ATG5: variants seen among roughly 807,000 people sequenced by gnomAD.
ATG5 encodes autophagy protein 5.
Under a neutral mutation model 36.5 loss-of-function variants are expected in ATG5, and 14 were observed. The ratio of observed to expected loss-of-function variants is 0.38; its 90% CI spans 0.25 to 0.60. The LOEUF is 0.60. ATG5 is among the 20% of genes least tolerant of loss of function. The pLI is 0.60. For missense variants in ATG5, 195 were observed against 326.7 expected (o/e 0.60, Z 3.11); for synonymous variants, 95 against 101.5 (o/e 0.94, Z 0.38).
At chr6:106,302,882 T>C (rs1770275985) in intron 3 of ATG5, among the ~76,000 whole-genome samples, 1 of 152,050 alleles carries the variant, frequency 6.6e-6, no homozygotes, top group Non-Finnish European at 1.5e-5. Flanking sequence ...TTATGGTCTA[T>C]ACTAAAGCCT....
intron 6 of ATG5, among the ~76,000 whole-genome samples, chr6:106,224,045 AG>A (rs1449841777): frequency 1.3e-5 from 2 of 152,224 alleles, no homozygotes; most frequent in Non-Finnish European, 2.9e-5. Flanking sequence ...TATGATATGA[AG>A]GGCTGGGGCA....
At chr6:106,308,550 T>A in intron 2 of ATG5, 59 bp from the exon 3 acceptor site, 1 of 1,303,544 alleles carries the variant, frequency 7.7e-7, no homozygotes, top group Non-Finnish European at 1.0e-6. Flanking sequence ...TAAAAAATAC[T>A]AAGTAGGTTT....
chr6:106,299,637 T>C (rs976430451), intron 3 of ATG5, among the ~76,000 whole-genome samples: 1 of 152,266 alleles, frequency 6.6e-6, no homozygotes, highest in African/African-American at 2.4e-5. Flanking sequence ...AATATTTCTT[T>C]GCTTTTTGTT....
chr6:106,209,726 G>A (rs1470958141), intron 6 of ATG5, among the ~76,000 whole-genome samples: 5 of 152,190 alleles, frequency 3.3e-5, no homozygotes, highest in Non-Finnish European at 7.4e-5. Context: ...CAATTTCCTG[G>A]TTGTGATACT....
chr6:106,285,445 T>C (rs924997415), intron 4 of ATG5, among the ~76,000 whole-genome samples: 3 of 152,198 alleles, frequency 2.0e-5, no homozygotes, highest in African/African-American at 7.2e-5. Flanking sequence ...TGTGAATATG[T>C]TGTAAGGATT....
Position 106,186,682 on chromosome 6 carries a change from C to T in ATG5, c.692-6G>A. ...TTGATTCTTTTTTTCCCCATCTATT[C>T]CAAGAAAGAAACCCAACAACAATAA... On this transcript the variant is annotated splice_region_variant and splice_polypyrimidine_tract_variant and intron_variant, in intron 7 of 7. Coordinates refer to ENST00000369076, the MANE Select transcript of ATG5 (RefSeq NM_004849.4). 1 of 1,612,656 alleles carries T rather than the reference C, an allele frequency of 6.2e-7. No individual in the cohort carries two copies. The highest frequency in any genetic ancestry group is 1.1e-5 in the South Asian group (1 of 91,022).
chr6:106,194,165 A>G (rs1359542877), intron 7 of ATG5, among the ~76,000 whole-genome samples: 2 of 152,232 alleles, frequency 1.3e-5, no homozygotes, highest in Non-Finnish European at 2.9e-5. Context: ...TTCTAAATGA[A>G]TATCTAAAGA....
intron 7 of ATG5, among the ~76,000 whole-genome samples, chr6:106,188,266 A>T (rs1005351435): frequency 6.6e-6 from 1 of 152,192 alleles, no homozygotes; most frequent in African/African-American, 2.4e-5. Context: ...ACTGTATTAA[A>T]TCTTTCTTAG....
intron 1 of ATG5, among the ~76,000 whole-genome samples, chr6:106,317,053 C>G (rs998675926): frequency 7.8e-4 from 119 of 152,284 alleles, no homozygotes; most frequent in African/African-American, 2.8e-3. Context: ...AAATATAGCA[C>G]TAGATCTGCA....
intron 6 of ATG5, among the ~76,000 whole-genome samples, chr6:106,244,503 T>A (rs1200724590): frequency 6.6e-6 from 1 of 152,208 alleles, no homozygotes; most frequent in African/African-American, 2.4e-5. Flanking sequence ...TCTTTGCCTA[T>A]CTTAAGTTCA....
At chr6:106,228,595 C>T (rs62422878) in intron 6 of ATG5, among the ~76,000 whole-genome samples, 22,838 of 151,982 alleles carry the variant, frequency 0.15, 2,037 homozygotes, top group Non-Finnish European at 0.2. Context: ...AGAAGCAGCC[C>T]GCCACCATCT....
At position 106,185,670 on chromosome 6, in the gene ATG5, G is replaced by A. The variant is rs1775737280; in HGVS notation, c.*870C>T. On this transcript the variant is annotated 3_prime_UTR_variant, in exon 8 of 8. Transcript: ENST00000369076. ...CATTTACAGATGCTTAGGATACTAT[G>A]ATTTGACAGGCTTACAGTGATAAAA... The A allele has an allele frequency of 6.6e-6, 1 of 152,412 alleles. No individual in the cohort carries two copies. The highest frequency in any genetic ancestry group is 1.5e-5 in the Non-Finnish European group (1 of 68,032). 9.4% of individuals were successfully genotyped at this position (152,412 alleles called of 1,614,324 possible).
In ATG5 at chr6:106,186,565, C is replaced by T; in HGVS notation, c.803G>A (p.Ser268Asn). The change falls in exon 8 of 8, where the codon AGT (serine) becomes AAT (asparagine). Residue 268 changes from serine (S) to asparagine (N), a missense_variant. Physicochemically the swap from Ser to Asn is conservative, Grantham distance 46. Coordinates refer to ENST00000369076, the MANE Select transcript of ATG5 (RefSeq NM_004849.4). Reference protein sequence around the residue: ...LSYPDNFLHISIIPQPTD With the variant: ...LSYPDNFLHINIIPQPTD The stretch of plus-strand genomic sequence containing the variant: ...TCAATCTGTTGGCTGTGGGATGATA[C>T]TAATATGAAGAAAATTATCCGGGTA... The T allele has an allele frequency of 6.2e-7, 1 of 1,613,756 alleles. No individual in the cohort carries two copies. Among genetic ancestry groups the T allele is most frequent in the Non-Finnish European group, 8.5e-7 (1 of 1,179,744 alleles).
At chr6:106,314,576 T>C (rs1001448865) in intron 2 of ATG5, among the ~76,000 whole-genome samples, 11 of 152,098 alleles carry the variant, frequency 7.2e-5, no homozygotes, top group African/African-American at 2.6e-4. Flanking sequence ...AATAAATAAA[T>C]AAATAAATAA....
intron 6 of ATG5, among the ~76,000 whole-genome samples, chr6:106,208,437 T>C (rs1296239920): frequency 1.3e-5 from 2 of 152,216 alleles, no homozygotes; most frequent in African/African-American, 4.8e-5. Context: ...GCAAACTGTG[T>C]TCACTCAAGG....
chr6:106,241,702 T>C (rs576356454), intron 6 of ATG5, among the ~76,000 whole-genome samples: 9 of 152,290 alleles, frequency 5.9e-5, no homozygotes, highest in African/African-American at 1.9e-4. Context: ...ATCTACTCAG[T>C]TGAAGGTCTT....
intron 5 of ATG5, among the ~76,000 whole-genome samples, chr6:106,277,491 A>G (rs539855139): frequency 6.6e-6 from 1 of 152,366 alleles, no homozygotes; most frequent in African/African-American, 2.4e-5. Context: ...ATTTTGTCAA[A>G]ACATTAAAAA....
intron 3 of ATG5, among the ~76,000 whole-genome samples, chr6:106,293,364 T>C (rs1441571537): frequency 6.6e-6 from 1 of 152,230 alleles, no homozygotes; most frequent in Non-Finnish European, 1.5e-5. Flanking sequence ...GCATTCTTTA[T>C]CAGCCATGTG....
At chr6:106,321,681 G>A (rs75162441) in intron 1 of ATG5, among the ~76,000 whole-genome samples, 3,754 of 152,130 alleles carry the variant, frequency 0.025, 64 homozygotes, top group African/African-American at 0.05. Context: ...CTTAAGTGTC[G>A]GCTTAATATC....
Sources: allele counts gnomAD v4.1 joint callset (sites outside exome capture counted in the v4.1 genomes callset), GRCh38; gene constraint gnomAD v4.1.1; transcripts MANE v1.5; gene names NCBI Gene and HGNC (gene_info 2026-07-23, HGNC 2026-07-21).